PREX2: variants seen among roughly 807,000 people sequenced by gnomAD.
PREX2 encodes the protein phosphatidylinositol-3,4,5-trisphosphate dependent Rac exchange factor 2.
Under a neutral mutation model 203.2 loss-of-function variants are expected in PREX2, and 107 were observed. That is an observed-to-expected ratio of 0.53 (90% CI 0.45 to 0.62). The LOEUF (loss-of-function observed/expected upper bound fraction) is 0.62. Among genes scored for constraint, PREX2 ranks in the 20% least tolerant of loss-of-function variants. The probability of loss-of-function intolerance (pLI) is 0.00; values close to 1 mark genes in which losing one functional copy is unlikely to be tolerated. For synonymous variants in PREX2, 672 were observed against 663.6 expected, an observed-to-expected ratio of 1.01 and a Z score of -0.19; for missense variants, 1,777 against 1,955.9, an observed-to-expected ratio of 0.91 and a Z score of 1.72.
intron 1 of PREX2, among the ~76,000 whole-genome samples, chr8:67,983,707 G>T (rs7459524): frequency 0.43 from 65,865 of 151,980 alleles, 14,865 homozygotes; most frequent in East Asian, 0.61. Flanking sequence ...TTCATTTATT[G>T]ACCACTCTTT....
At chr8:68,190,973 A>G (rs980861706) in intron 35 of PREX2, among the ~76,000 whole-genome samples, 10 of 152,094 alleles carry the variant, frequency 6.6e-5, no homozygotes, top group African/African-American at 2.4e-4. Flanking sequence ...TCCACTTTGC[A>G]TATTAAAATG....
At chr8:68,036,395 G>T (rs1348768451) in intron 6 of PREX2, among the ~76,000 whole-genome samples, 3 of 152,050 alleles carry the variant, frequency 2.0e-5, no homozygotes. Context: ...TGAGGTACTC[G>T]GGTGATTTAT....
rs115783974 is a variant in PREX2, at chr8:68,011,980, G to A, written c.142-5866G>A. Among the ~76,000 whole-genome samples, 173 of 152,194 alleles carry A rather than the reference G, an allele frequency of 1.1e-3. 1 individual carries two copies. Among genetic ancestry groups the A allele is most frequent in the African/African-American group, 4.0e-3 (167 of 41,554 alleles). ...TTTGTAACTTTCACCTTTAATTTTA[G>A]TAATTTTACGCATAATTGTAATTCT... On this transcript the variant is annotated intron_variant, in intron 1 of 39. Transcript: ENST00000288368.
intron 37 of PREX2, among the ~76,000 whole-genome samples, chr8:68,204,678 CTTTT>C (rs1192583427): frequency 1.1e-4 from 9 of 83,400 alleles, no homozygotes; most frequent in African/African-American, 3.1e-4. Flanking sequence ...TTTCTTCTTT[CTTTT>C]TTTTTTTTTT....
At chr8:67,987,270 CTT>C (rs1291928528) in intron 1 of PREX2, among the ~76,000 whole-genome samples, 1 of 150,592 alleles carries the variant, frequency 6.6e-6, no homozygotes, top group African/African-American at 2.4e-5. Context: ...CCAGTCAACT[CTT>C]TTTTAAAGTT....
chr8:68,153,688 G>C (rs1811488180), intron 34 of PREX2, among the ~76,000 whole-genome samples: 1 of 152,092 alleles, frequency 6.6e-6, no homozygotes, highest in African/African-American at 2.4e-5. Flanking sequence ...CTAAAATAGG[G>C]AATGTTGTCA....
At position 68,192,506 on chromosome 8, in the gene PREX2, TGCA is replaced by T; in HGVS notation, c.4591_4593del (p.Ser1531del). ...GCTGGGCGCCTGCCACATCATCATGTGCAGCAGCGGTGTGCATCGGTATGTGAC... is the reference window on the plus strand; with the variant it reads ...GCTGGGCGCCTGCCACATCATCATGTGCAGCGGTGTGCATCGGTATGTGAC... On this transcript the variant is annotated inframe_deletion, in exon 37 of 40. Coordinates refer to ENST00000288368, the MANE Select transcript of PREX2 (RefSeq NM_024870.4). The T allele has an allele frequency of 6.2e-7, 1 of 1,612,912 alleles. No individual in the cohort carries two copies. Among genetic ancestry groups the T allele is most frequent in the Non-Finnish European group, 8.5e-7 (1 of 1,179,782 alleles).
At chr8:68,111,004 A>C in intron 25 of PREX2, 1 of 409,354 alleles carries the variant, frequency 2.4e-6, no homozygotes, top group Admixed American at 3.0e-5. Flanking sequence ...ACATCTTTGA[A>C]TTGTGTTGGA....
intron 7 of PREX2, 104 bp from the exon 8 acceptor site, chr8:68,044,383 A>G: frequency 1.3e-6 from 1 of 741,438 alleles, no homozygotes; most frequent in Non-Finnish European, 2.3e-6. Context: ...GATATTGTCG[A>G]TTGAATTGGT....
intron 19 of PREX2, 40 bp from the exon 20 acceptor site, chr8:68,090,539 T>C: frequency 6.4e-7 from 1 of 1,566,290 alleles, no homozygotes; most frequent in Non-Finnish European, 8.7e-7. Context: ...ATCTTATTCC[T>C]GAAATTTGTT....
At chr8:68,101,821 T>C (rs560240513) in intron 23 of PREX2, among the ~76,000 whole-genome samples, 2 of 152,258 alleles carry the variant, frequency 1.3e-5, no homozygotes, top group Admixed American at 6.5e-5. Flanking sequence ...TCTTCATTCT[T>C]TCACACAACA....
intron 15 of PREX2, among the ~76,000 whole-genome samples, 163 bp from the exon 16 acceptor site, chr8:68,080,280 G>GGA (rs59413649): frequency 0.53 from 79,931 of 150,942 alleles, 21,119 homozygotes; most frequent in South Asian, 0.55. Context: ...ATTATAGAAA[G>GGA]AGAAAAAAAA....
At chr8:68,019,305 G>A (rs865986851) in intron 2 of PREX2, among the ~76,000 whole-genome samples, 7 of 152,360 alleles carry the variant, frequency 4.6e-5, no homozygotes, top group Middle Eastern at 3.4e-3. Context: ...TGAGAAGGGA[G>A]TGGGATACCT....
chr8:68,083,512 G>A (rs553863697), intron 18 of PREX2, 124 bp downstream of exon 18: 10 of 597,300 alleles, frequency 1.7e-5, no homozygotes, highest in South Asian at 6.9e-5. Context: ...AACCTCACCG[G>A]TATCATTAAT....
At chr8:68,090,057 C>G (rs1205156771) in intron 19 of PREX2, among the ~76,000 whole-genome samples, 1 of 152,142 alleles carries the variant, frequency 6.6e-6, no homozygotes, top group Non-Finnish European at 1.5e-5. Flanking sequence ...GTATATATGT[C>G]AAACTCTTAT....
rs1220264944 is a variant in PREX2 at position 68,060,756 on chromosome 8, T to C, written c.1316T>C (p.Leu439Ser). The C allele has an allele frequency of 6.2e-7, 1 of 1,608,550 alleles. No individual in the cohort carries two copies. The highest frequency in any genetic ancestry group is 1.7e-5 in the Admixed American group (1 of 59,330). Residue 439 changes from leucine (L) to serine (S), a missense_variant, in exon 11 of 40, where the codon TTA becomes TCA. Coordinates refer to ENST00000288368, the MANE Select transcript of PREX2 (RefSeq NM_024870.4). Reference sequence around the variant, plus strand: ...GGCGTGCACTTGGGACAAGCATTATTAGAAAATGGAATCATTCACCATGGT... The same window carrying C: ...GGCGTGCACTTGGGACAAGCATTATCAGAAAATGGAATCATTCACCATGGT... Reference protein sequence around the residue: ...EEGVHLGQALLENGIIHHVTD... With the variant: ...EEGVHLGQALSENGIIHHVTD...
intron 35 of PREX2, among the ~76,000 whole-genome samples, chr8:68,178,789 A>C (rs1403171137): frequency 6.6e-6 from 1 of 152,192 alleles, no homozygotes; most frequent in Non-Finnish European, 1.5e-5. Context: ...AGAAGAAAAC[A>C]AATCTCATAG....
At chr8:67,991,351 T>C (rs1340867184) in intron 1 of PREX2, among the ~76,000 whole-genome samples, 1 of 151,966 alleles carries the variant, frequency 6.6e-6, no homozygotes, top group African/African-American at 2.4e-5. Flanking sequence ...CAAAAATGAG[T>C]ACATTAGTCC....
chr8:68,186,231 T>G (rs759943648), intron 35 of PREX2, among the ~76,000 whole-genome samples: 2 of 152,198 alleles, frequency 1.3e-5, no homozygotes, highest in African/African-American at 2.4e-5. Context: ...ATTGGCTATT[T>G]ATATTACATA....
Sources: gnomAD v4.1 joint callset for allele counts (sites outside exome capture counted in the v4.1 genomes callset) on GRCh38, gnomAD v4.1.1 for gene constraint, MANE v1.5 for transcripts, NCBI Gene and HGNC (gene_info 2026-07-23, HGNC 2026-07-21) for gene names.